The following CDK14 variants were observed in gnomAD, a reference collection of about 807,000 sequenced individuals.
CDK14 encodes cyclin-dependent kinase 14.
In CDK14, 34 loss-of-function variants were observed where a neutral mutation model predicts 60.7. That is an observed-to-expected ratio of 0.56 (90% CI 0.43 to 0.75). The LOEUF is 0.75. Among genes scored for constraint, CDK14 ranks in the 30% least tolerant of loss-of-function variants. The pLI, the probability that CDK14 is intolerant of heterozygous loss-of-function variation, is 0.00. For synonymous variants in CDK14, 197 were observed against 203.7 expected, an observed-to-expected ratio of 0.97 and a Z score of 0.28; for missense variants, 482 against 564.1, an observed-to-expected ratio of 0.85 and a Z score of 1.47.
chr7:90,726,943 A>G, intron 3 of CDK14, 131 bp downstream of exon 3: 1 of 1,080,378 alleles, frequency 9.3e-7, no homozygotes, highest in Non-Finnish European at 1.3e-6. Flanking sequence ...GGGTGGTTGA[A>G]TGTTTTGGAA....
rs578117984 is a variant in CDK14 at position 91,058,839 on chromosome 7, T to C, written c.1105+12879T>C. On this transcript the variant is annotated intron_variant, in intron 11 of 14. Coordinates refer to ENST00000380050, the MANE Select transcript of CDK14 (RefSeq NM_001287135.2). The stretch of plus-strand genomic sequence containing the variant: ...TATTGAGGATTTTTGCATCAATGTT[T>C]ATCACGGATATTGGTCTAAAATTCT... Among the ~76,000 whole-genome samples the C allele has an allele frequency of 1.3e-4, 20 of 152,330 alleles. No homozygotes were observed. In the South Asian group the frequency reaches 1.7e-3, roughly 13 times the overall value.
chr7:90,629,986 C>G (rs923627972), intron 2 of CDK14, among the ~76,000 whole-genome samples: 1 of 151,946 alleles, frequency 6.6e-6, no homozygotes, highest in African/African-American at 2.4e-5. Context: ...AAGATAGCGG[C>G]CAAGATAGTG....
chr7:90,782,414 C>G (rs1437768416), intron 4 of CDK14, among the ~76,000 whole-genome samples: 1 of 152,142 alleles, frequency 6.6e-6, no homozygotes, highest in Non-Finnish European at 1.5e-5. Flanking sequence ...TTATTTCCTT[C>G]TCCTGCCTAA....
At chr7:90,661,861 G>A (rs1800870836) in intron 2 of CDK14, among the ~76,000 whole-genome samples, 1 of 128,384 alleles carries the variant, frequency 7.8e-6, no homozygotes. Context: ...TTCATACGGT[G>A]CCCTACCCAT....
intron 6 of CDK14, among the ~76,000 whole-genome samples, chr7:90,869,646 A>G (rs1243107837): frequency 6.6e-6 from 1 of 152,182 alleles, no homozygotes; most frequent in African/African-American, 2.4e-5. Flanking sequence ...TCAGGAGGCT[A>G]TTGCAATAAG....
intron 5 of CDK14, among the ~76,000 whole-genome samples, chr7:90,841,693 G>C (rs1057371975): frequency 3.7e-4 from 13 of 35,276 alleles, no homozygotes; most frequent in South Asian, 1.0e-3. Context: ...CACACACACA[G>C]GTGTCAGCTT....
At chr7:91,075,490 G>A (rs1472220976) in intron 11 of CDK14, among the ~76,000 whole-genome samples, 1 of 152,186 alleles carries the variant, frequency 6.6e-6, no homozygotes, top group Non-Finnish European at 1.5e-5. Context: ...AGCTATTTAT[G>A]ACAAACCCAT....
At chr7:90,924,309 C>A (rs1024681) in intron 8 of CDK14, among the ~76,000 whole-genome samples, 4 of 152,292 alleles carry the variant, frequency 2.6e-5, no homozygotes, top group Admixed American at 2.0e-4. Context: ...TGATCCATTC[C>A]TGAAGGGAGA....
chr7:90,775,686 C>T (rs956122073), intron 4 of CDK14, among the ~76,000 whole-genome samples: 1 of 85,276 alleles, frequency 1.2e-5, no homozygotes, highest in Non-Finnish European at 2.3e-5. Flanking sequence ...TCTCATTTTC[C>T]TTCTCCTCCT....
intron 9 of CDK14, among the ~76,000 whole-genome samples, chr7:90,956,040 G>A (rs751721423): frequency 1.3e-5 from 2 of 152,168 alleles, no homozygotes; most frequent in Non-Finnish European, 2.9e-5. Context: ...GACAGGGGCA[G>A]AGACATTTTT....
chr7:90,633,573 G>A (rs994940056), intron 2 of CDK14, among the ~76,000 whole-genome samples: 1 of 152,022 alleles, frequency 6.6e-6, no homozygotes. Flanking sequence ...TTTATTTTAC[G>A]GTAAGGATAG....
chr7:90,874,147 T>C (rs1435620401), intron 6 of CDK14, among the ~76,000 whole-genome samples: 2 of 152,182 alleles, frequency 1.3e-5, no homozygotes, highest in African/African-American at 2.4e-5. Context: ...GAGCTGGAGC[T>C]CTTTTGTCTT....
chr7:90,801,544 A>G (rs2117005355), intron 5 of CDK14, among the ~76,000 whole-genome samples: 1 of 152,302 alleles, frequency 6.6e-6, no homozygotes, highest in East Asian at 1.9e-4. Flanking sequence ...GGAGACCTCT[A>G]AAGCTACTAA....
intron 2 of CDK14, among the ~76,000 whole-genome samples, chr7:90,632,784 A>T (rs1245946800): frequency 6.6e-6 from 1 of 152,162 alleles, no homozygotes; most frequent in Non-Finnish European, 1.5e-5. Context: ...GTCACTAGAA[A>T]CATTGTGAAA....
At chr7:91,011,652 A>G (rs1244009432) in intron 10 of CDK14, among the ~76,000 whole-genome samples, 6 of 151,742 alleles carry the variant, frequency 4.0e-5, no homozygotes, top group Admixed American at 3.9e-4. Flanking sequence ...TCTTTTCCCT[A>G]CTTGTTTCAG....
chr7:90,854,838 G>A (rs11982697), intron 5 of CDK14, among the ~76,000 whole-genome samples: 4,627 of 152,156 alleles, frequency 0.03, 233 homozygotes, highest in African/African-American at 0.1. Context: ...GAAACCCTCA[G>A]TCCCTAAATT....
chr7:90,914,332 C>T, intron 7 of CDK14, among the ~76,000 whole-genome samples: 1 of 152,180 alleles, frequency 6.6e-6, no homozygotes, highest in Non-Finnish European at 1.5e-5. Context: ...TAGATCCACC[C>T]TTTTCTGTGC....
intron 14 of CDK14, among the ~76,000 whole-genome samples, chr7:91,180,482 A>T (rs1011479798): frequency 2.3e-4 from 34 of 150,392 alleles, no homozygotes; most frequent in African/African-American, 8.6e-4. Flanking sequence ...ACATACATGC[A>T]TAGAAAGAAG....
At chr7:91,202,979 C>A (rs999832729) in intron 14 of CDK14, among the ~76,000 whole-genome samples, 12 of 152,228 alleles carry the variant, frequency 7.9e-5, no homozygotes, top group Non-Finnish European at 8.8e-5. Flanking sequence ...AAGGCAAGAA[C>A]AAACATCATC....
Sources: gnomAD v4.1 joint callset for allele counts (sites outside exome capture counted in the v4.1 genomes callset) on GRCh38, gnomAD v4.1.1 for gene constraint, MANE v1.5 for transcripts, NCBI Gene and HGNC (gene_info 2026-07-23, HGNC 2026-07-21) for gene names.